Variants in DCC observed in about 807,000 individuals in gnomAD.
DCC encodes the protein DCC netrin 1 receptor.
Under a neutral mutation model 172.5 loss-of-function variants are expected in DCC, and 58 were observed. The observed-to-expected ratio is 0.34, with a 90% CI of 0.27 to 0.42. The LOEUF (loss-of-function observed/expected upper bound fraction) is 0.42. DCC is among the 10% of genes least tolerant of loss of function. DCC has a pLI of 1.00. For missense variants in DCC, 1,740 were observed against 1,791.0 expected (o/e 0.97, Z 0.51); for synonymous variants, 709 against 644.5 (o/e 1.10, Z -1.52).
At chr18:52,846,646 C>CACAT (rs907918141) in intron 2 of DCC, among the ~76,000 whole-genome samples, 2 of 144,212 alleles carry the variant, frequency 1.4e-5, no homozygotes, top group African/African-American at 2.5e-5. Context: ...CACACACACA[C>CACAT]ACACACTTGG....
At chr18:52,922,784 G>GT (rs1312087452) in intron 3 of DCC, among the ~76,000 whole-genome samples, 1 of 152,142 alleles carries the variant, frequency 6.6e-6, no homozygotes, top group African/African-American at 2.4e-5. Context: ...GGCATTATCA[G>GT]TAGAGCTTAT....
Position 52,875,860 on chromosome 18 carries a change from C to T in DCC, c.413-30184C>T, listed in dbSNP as rs566271089. Among the ~76,000 whole-genome samples, 350 of 152,100 alleles carry T rather than the reference C, an allele frequency of 2.3e-3. 1 individual carries two copies. The highest frequency in any genetic ancestry group is 4.9e-4 in the Non-Finnish European group (33 of 68,010). On this transcript the variant is annotated intron_variant, in intron 2 of 28. Coordinates refer to ENST00000442544, the MANE Select transcript of DCC (RefSeq NM_005215.4). ...CTGGCCTGCCACACAGAGGCTGGTT[C>T]CTGGACCTTCTGGGATCTCTCATTC...
At chr18:52,867,923 G>A (rs2039253500) in intron 2 of DCC, among the ~76,000 whole-genome samples, 1 of 151,836 alleles carries the variant, frequency 6.6e-6, no homozygotes, top group Non-Finnish European at 1.5e-5. Context: ...GGTCAAGATA[G>A]TTTCTAAGGC....
rs535561022 is a variant in DCC at position 52,571,858 on chromosome 18, G to A, written c.92-180196G>A. 6.3e-4 allele frequency among the ~76,000 whole-genome samples: 96 copies of A among 152,292 alleles called. 1 individual carries two copies. Among genetic ancestry groups the A allele is most frequent in the African/African-American group, 2.2e-3 (93 of 41,564 alleles). On this transcript the variant is annotated intron_variant, in intron 1 of 28. Transcript: ENST00000442544. The stretch of plus-strand genomic sequence containing the variant: ...TCAATATGTCCATCAATTTTCCACA[G>A]TAGCAACATGTATGGAAACATACAA...
chr18:52,486,951 A>G (rs1487941237), intron 1 of DCC, among the ~76,000 whole-genome samples: 1 of 152,030 alleles, frequency 6.6e-6, no homozygotes, highest in Non-Finnish European at 1.5e-5. Context: ...AACAAGAAAA[A>G]CTCTTTTAGG....
At chr18:52,425,357 T>C (rs185643417) in intron 1 of DCC, among the ~76,000 whole-genome samples, 1 of 152,270 alleles carries the variant, frequency 6.6e-6, no homozygotes, top group East Asian at 1.9e-4. Context: ...AGTCTCATGA[T>C]GATCCATGTC....
intron 5 of DCC, among the ~76,000 whole-genome samples, chr18:53,018,883 A>G (rs1053291961): frequency 3.9e-5 from 6 of 152,268 alleles, no homozygotes; most frequent in Non-Finnish European, 4.4e-5. Flanking sequence ...TACCAAAATC[A>G]TGATTGTCTA....
intron 9 of DCC, among the ~76,000 whole-genome samples, chr18:53,202,686 CTTCAAA>C (rs1354092897): frequency 1.3e-5 from 2 of 152,010 alleles, no homozygotes; most frequent in Non-Finnish European, 2.9e-5. Context: ...CGTAGGGGAC[CTTCAAA>C]TTCTGCTTGG....
intron 21 of DCC, among the ~76,000 whole-genome samples, chr18:53,429,156 G>A (rs1171578907): frequency 2.8e-5 from 3 of 107,716 alleles, no homozygotes; most frequent in Admixed American, 1.2e-4. Flanking sequence ...TTGGTCTGGC[G>A]AAGTATACTG....
intron 1 of DCC, among the ~76,000 whole-genome samples, chr18:52,556,340 G>T (rs961727970): frequency 1.2e-4 from 19 of 152,064 alleles, no homozygotes; most frequent in African/African-American, 4.6e-4. Flanking sequence ...TTATAGATGG[G>T]TTCAGTAGCC....
chr18:53,486,627 T>G (rs1444656064), intron 25 of DCC, among the ~76,000 whole-genome samples, 170 bp from the exon 26 acceptor site: 1 of 152,172 alleles, frequency 6.6e-6, no homozygotes, highest in Non-Finnish European at 1.5e-5. Context: ...ATGAGCTGTC[T>G]TTTCTAAAGT....
intron 5 of DCC, among the ~76,000 whole-genome samples, chr18:53,020,210 C>T (rs1389964778): frequency 6.6e-6 from 1 of 152,068 alleles, no homozygotes; most frequent in Admixed American, 6.6e-5. Context: ...ATAAAAAAAA[C>T]CCAAATGTTT....
intron 5 of DCC, among the ~76,000 whole-genome samples, chr18:52,937,393 A>G (rs1176646651): frequency 6.6e-6 from 1 of 152,146 alleles, no homozygotes. Flanking sequence ...CTACCTCCTC[A>G]TTCCCTTCCA....
intron 27 of DCC, among the ~76,000 whole-genome samples, chr18:53,506,303 G>GTAAGT (rs1213797725): frequency 5.5e-4 from 83 of 152,276 alleles, no homozygotes; most frequent in Non-Finnish European, 1.0e-3. Flanking sequence ...AGAGCGACTT[G>GTAAGT]TAAGTTTGTA....
At chr18:52,346,537 T>C (rs1568126005) in intron 1 of DCC, among the ~76,000 whole-genome samples, 1 of 152,222 alleles carries the variant, frequency 6.6e-6, no homozygotes, top group Non-Finnish European at 1.5e-5. Flanking sequence ...TAGAAATACC[T>C]GAGCTTTGTC....
At chr18:53,051,308 C>T (rs960129110) in intron 5 of DCC, among the ~76,000 whole-genome samples, 2 of 152,124 alleles carry the variant, frequency 1.3e-5, no homozygotes, top group Non-Finnish European at 2.9e-5. Flanking sequence ...GAACATCTCT[C>T]ATAGCAGATT....
intron 1 of DCC, among the ~76,000 whole-genome samples, chr18:52,540,126 T>C (rs1005770856): frequency 6.6e-6 from 1 of 152,210 alleles, no homozygotes; most frequent in African/African-American, 2.4e-5. Context: ...TTAATATCTC[T>C]CTGGATATCA....
chr18:53,123,281 G>A (rs759485073), intron 7 of DCC, among the ~76,000 whole-genome samples: 18 of 152,066 alleles, frequency 1.2e-4, no homozygotes, highest in Admixed American at 2.6e-4. Context: ...TTCACTGGGC[G>A]AAGTTGGGGG....
chr18:52,520,703 G>GT (rs1161943154), intron 1 of DCC, among the ~76,000 whole-genome samples: 15 of 151,286 alleles, frequency 9.9e-5, no homozygotes, highest in Non-Finnish European at 2.1e-4. Flanking sequence ...TTATGACAAG[G>GT]TTTTTTTTAA....
Sources: allele counts gnomAD v4.1 joint callset (sites outside exome capture counted in the v4.1 genomes callset), GRCh38; gene constraint gnomAD v4.1.1; transcripts MANE v1.5; gene names NCBI Gene and HGNC (gene_info 2026-07-23, HGNC 2026-07-21).